The following PREX2 variants were observed in gnomAD, a reference collection of about 807,000 sequenced individuals.
PREX2 encodes phosphatidylinositol-3,4,5-trisphosphate dependent Rac exchange factor 2.
A neutral mutation model predicts 203.2 loss-of-function variants in PREX2; 107 were observed. The ratio of observed to expected loss-of-function variants is 0.53; its 90% CI spans 0.45 to 0.62. The LOEUF is 0.62. Among genes scored for constraint, PREX2 ranks in the 20% least tolerant of loss-of-function variants. The pLI, the probability that PREX2 is intolerant of heterozygous loss-of-function variation, is 0.00. For synonymous variants in PREX2, 672 were observed against 663.6 expected, an observed-to-expected ratio of 1.01 and a Z score of -0.19; for missense variants, 1,777 against 1,955.9, an observed-to-expected ratio of 0.91 and a Z score of 1.72.
chr8:68,122,277 C>T (rs1810790079), intron 30 of PREX2, among the ~76,000 whole-genome samples: 1 of 152,002 alleles, frequency 6.6e-6, no homozygotes, highest in African/African-American at 2.4e-5. Context: ...AATACTTCCC[C>T]AAATAAATCA....
At chr8:68,077,008 A>C (rs1184446020) in intron 14 of PREX2, among the ~76,000 whole-genome samples, 1 of 152,204 alleles carries the variant, frequency 6.6e-6, no homozygotes, top group African/African-American at 2.4e-5. Flanking sequence ...CTGAGGTCAT[A>C]CATAATGATT....
rs1462963927 is a variant in PREX2 at position 68,235,578 on chromosome 8, T to C, written c.*4200T>C. The C allele has an allele frequency of 6.6e-6, 1 of 152,156 alleles. No homozygotes were observed. The highest frequency in any genetic ancestry group is 1.5e-5 in the Non-Finnish European group (1 of 68,004). 9.4% of individuals were successfully genotyped at this position (152,156 alleles called of 1,614,324 possible). A position where few individuals can be genotyped will look rare whatever the true frequency, so the allele number is the denominator to read the frequency against. On this transcript the variant is annotated 3_prime_UTR_variant, in exon 40 of 40. Transcript: ENST00000288368. ...AAAATAATCTGTCTTCTATCGAATG[T>C]TTGAACTTTTAGTGATGAGCCTCAG...
At chr8:68,030,713 C>T (rs1359267713) in intron 6 of PREX2, 55 bp downstream of exon 6, 17 of 1,551,956 alleles carry the variant, frequency 1.1e-5, no homozygotes, top group South Asian at 6.8e-5. Context: ...TTGCAGGCCT[C>T]GTGCAGAATT....
chr8:68,047,400 T>C (rs537796079), intron 8 of PREX2, among the ~76,000 whole-genome samples: 1 of 150,142 alleles, frequency 6.7e-6, no homozygotes, highest in African/African-American at 2.4e-5. Context: ...ATCAGGCTCA[T>C]CTGTCATTGC....
chr8:68,114,079 C>G (rs565551552), intron 25 of PREX2, among the ~76,000 whole-genome samples: 1 of 152,148 alleles, frequency 6.6e-6, no homozygotes, highest in African/African-American at 2.4e-5. Context: ...CCAGGCTGGT[C>G]TCGAACTCCT....
intron 17 of PREX2, chr8:68,082,066 G>A (rs1444172971): frequency 1.3e-5 from 2 of 151,230 alleles, no homozygotes; most frequent in Non-Finnish European, 2.9e-5. Flanking sequence ...TCATTTAGAA[G>A]TATTTATTTA....
chr8:68,108,211 G>A lies in PREX2; in HGVS notation c.2818G>A (p.Val940Ile), dbSNP rs1176521019. The A allele has an allele frequency of 1.9e-6, 3 of 1,613,766 alleles. No individual in the cohort carries two copies. The highest frequency in any genetic ancestry group is 2.5e-6 in the Non-Finnish European group (3 of 1,179,820). Residue 940 changes from valine to isoleucine, a missense_variant, in exon 24 of 40, where the codon GTC (valine) becomes ATC (isoleucine). Coordinates refer to ENST00000288368, the MANE Select transcript of PREX2 (RefSeq NM_024870.4). ...TGATTTCTGCCCTACCAACTGCCAT[G>A]TCAATGTGATGGAAGTTTCTTATCC... ...SSDFCPTNCH[V>I]NVMEVSYPKT...
chr8:68,163,612 TTAAA>T (rs1396913873), intron 35 of PREX2, among the ~76,000 whole-genome samples: 1 of 152,150 alleles, frequency 6.6e-6, no homozygotes, highest in Non-Finnish European at 1.5e-5. Flanking sequence ...GCTGAATAAT[TTAAA>T]TACGTGAAAA....
chr8:68,121,572 T>C (rs997011802), intron 30 of PREX2, among the ~76,000 whole-genome samples: 1 of 152,172 alleles, frequency 6.6e-6, no homozygotes, highest in Non-Finnish European at 1.5e-5. Flanking sequence ...AAATTGGAGA[T>C]ATATGACTTT....
At chr8:68,072,031 G>A (rs1407748630) in intron 13 of PREX2, among the ~76,000 whole-genome samples, 1 of 151,978 alleles carries the variant, frequency 6.6e-6, no homozygotes, top group Non-Finnish European at 1.5e-5. Context: ...TAGGTTCCTG[G>A]AACCTGCAAC....
In PREX2 at chr8:68,108,954, A is replaced by G. The variant is rs866400976; in HGVS notation, c.2939-462A>G. ...AGTGAAATAAGCCAGACACAGAAAG[A>G]CAAATACTATATGATCTCATTTATA... On this transcript the variant is annotated intron_variant, in intron 24 of 39. Coordinates refer to ENST00000288368, the MANE Select transcript of PREX2 (RefSeq NM_024870.4). 51 of 399,446 alleles carry G rather than the reference A, an allele frequency of 1.3e-4. 1 individual carries two copies. In the Middle Eastern group the frequency reaches 2.2e-3, roughly 17 times the overall value. The allele number at this position is 399,446 out of a possible 1,614,324, so 24.7% of individuals were successfully genotyped here.
At chr8:68,172,838 C>T (rs1811906293) in intron 35 of PREX2, among the ~76,000 whole-genome samples, 1 of 152,196 alleles carries the variant, frequency 6.6e-6, no homozygotes, top group South Asian at 2.1e-4. Context: ...ACCTTCTTTG[C>T]ATCCAGCTCT....
intron 2 of PREX2, among the ~76,000 whole-genome samples, chr8:68,019,222 C>T (rs1299770741): frequency 6.6e-6 from 1 of 152,246 alleles, no homozygotes. Flanking sequence ...CTGGTATGCC[C>T]TTCTTAGGAG....
In PREX2 at chr8:68,180,775, G is replaced by A. The variant is rs546920884; in HGVS notation, c.4347-10947G>A. On this transcript the variant is annotated intron_variant, in intron 35 of 39. Transcript: ENST00000288368. ...GGATTGGACCAATGCAGTCATTGGC[G>A]TCCTTAGAGGGAATGGTTCTCGTAG... is the stretch of plus-strand genomic sequence containing the variant. Among the ~76,000 whole-genome samples the A allele has an allele frequency of 1.9e-4, 29 of 152,220 alleles. 1 individual carries two copies. Among genetic ancestry groups the A allele is most frequent in the Admixed American group, 1.4e-3 (22 of 15,274 alleles).
chr8:68,227,695 T>C (rs1206329263), intron 39 of PREX2, among the ~76,000 whole-genome samples: 1 of 152,136 alleles, frequency 6.6e-6, no homozygotes, highest in Non-Finnish European at 1.5e-5. Flanking sequence ...GGCTACAGAA[T>C]CTAAAGTGAG....
chr8:68,053,026 G>C (rs1808566869), intron 8 of PREX2, 71 bp from the exon 9 acceptor site: 6 of 1,381,874 alleles, frequency 4.3e-6, no homozygotes, highest in Non-Finnish European at 1.0e-6. Context: ...TTTGTGTATT[G>C]AATGATAGTG....
chr8:68,062,845 T>G (rs13278950), intron 11 of PREX2, among the ~76,000 whole-genome samples: 54,657 of 151,802 alleles, frequency 0.36, 10,412 homozygotes, highest in East Asian at 0.54. Flanking sequence ...TATCTCCCTA[T>G]CCCTTCCCTG....
chr8:68,073,092 G>A lies in PREX2; in HGVS notation c.1569+522G>A, dbSNP rs117288987. ...TGCTGACTGCTAGAATTGAGAAAAT[G>A]TCATTCGCTTATAAGTAAAAAAAAT... On this transcript the variant is annotated intron_variant, in intron 14 of 39. Coordinates refer to ENST00000288368, the MANE Select transcript of PREX2 (RefSeq NM_024870.4). Among the ~76,000 whole-genome samples, 1,274 of 151,824 alleles carry A rather than the reference G, an allele frequency of 8.4e-3. 7 individuals carry two copies. The highest frequency in any genetic ancestry group is 0.014 in the Non-Finnish European group (952 of 67,902).
intron 35 of PREX2, among the ~76,000 whole-genome samples, chr8:68,171,664 T>C (rs1811879950): frequency 6.6e-6 from 1 of 152,162 alleles, no homozygotes; most frequent in African/African-American, 2.4e-5. Context: ...TCCCTTTCTC[T>C]TTCTTCCCTG....
Sources: allele counts gnomAD v4.1 joint callset (sites outside exome capture counted in the v4.1 genomes callset), GRCh38; gene constraint gnomAD v4.1.1; transcripts MANE v1.5; gene names NCBI Gene and HGNC (gene_info 2026-07-23, HGNC 2026-07-21).